CMIP: variants seen among roughly 807,000 people sequenced by gnomAD.
The protein encoded by CMIP is c-Maf inducing protein.
A neutral mutation model predicts 97.3 loss-of-function variants in CMIP; 13 were observed. That is an observed-to-expected ratio of 0.13 (90% CI 0.09 to 0.21). The LOEUF (loss-of-function observed/expected upper bound fraction) is 0.21. Ranked by LOEUF, CMIP falls within the 10% of genes least tolerant of loss-of-function variation. The pLI is 1.00. For synonymous variants in CMIP, 538 were observed against 436.3 expected (o/e 1.23, Z -2.91); for missense variants, 847 against 1,024.9 (o/e 0.83, Z 2.37).
chr16:81,471,030 GCATACACA>G (rs1325548473), intron 1 of CMIP, among the ~76,000 whole-genome samples: 2 of 151,920 alleles, frequency 1.3e-5, no homozygotes, highest in Admixed American at 6.5e-5. Context: ...ACAAACATGT[GCATACACA>G]CATGCACACA....
chr16:81,635,623 A>G (rs2092224108), intron 3 of CMIP, among the ~76,000 whole-genome samples: 1 of 152,252 alleles, frequency 6.6e-6, no homozygotes, highest in Non-Finnish European at 1.5e-5. Context: ...TTTGCCGTTG[A>G]AAGTCTGCTG....
chr16:81,671,279 G>C (rs2092681112), intron 8 of CMIP, among the ~76,000 whole-genome samples: 1 of 152,232 alleles, frequency 6.6e-6, no homozygotes, highest in Non-Finnish European at 1.5e-5. Flanking sequence ...ACACCACCCA[G>C]TTGTGGTTTG....
intron 15 of CMIP, among the ~76,000 whole-genome samples, chr16:81,701,408 G>A (rs1404263740): frequency 6.6e-6 from 1 of 152,206 alleles, no homozygotes; most frequent in Non-Finnish European, 1.5e-5. Context: ...ACACCGCACG[G>A]TAAGCAGATG....
chr16:81,548,273 A>T (rs1467833131), intron 1 of CMIP, among the ~76,000 whole-genome samples: 1 of 151,862 alleles, frequency 6.6e-6, no homozygotes, highest in Non-Finnish European at 1.5e-5. Context: ...AGCTAGGACT[A>T]CAGGCACAGG....
At chr16:81,581,143 G>A (rs553373717) in intron 1 of CMIP, among the ~76,000 whole-genome samples, 10 of 152,290 alleles carry the variant, frequency 6.6e-5, no homozygotes, top group Admixed American at 2.0e-4. Context: ...TCCATTGTCT[G>A]TATGTATCAT....
chr16:81,654,199 A>C (rs2092459037), intron 4 of CMIP, among the ~76,000 whole-genome samples: 1 of 151,866 alleles, frequency 6.6e-6, no homozygotes, highest in African/African-American at 2.4e-5. Flanking sequence ...AGGTGACCGC[A>C]TGACTGTTGG....
At chr16:81,496,890 G>A (rs1397015774) in intron 1 of CMIP, among the ~76,000 whole-genome samples, 1 of 152,292 alleles carries the variant, frequency 6.6e-6, no homozygotes, top group African/African-American at 2.4e-5. Context: ...GTGCCGCTTG[G>A]CGGGCAGTGC....
chr16:81,520,608 A>G lies in CMIP; in HGVS notation c.300+75067A>G, dbSNP rs533406023. 2.7e-5 allele frequency: 3 copies of G among 109,480 alleles called. No homozygotes were observed. The East Asian group carries it at 9.0e-4, about 33-fold the overall frequency. 6.8% of individuals were successfully genotyped at this position (109,480 alleles called of 1,614,324 possible). The stretch of plus-strand genomic sequence containing the variant: ...AGAGAGAGAGAGAGAGAGAGAAGAT[A>G]GAAAGAAAGAAAAAGAAAGAAAATC... On this transcript the variant is annotated intron_variant, in intron 1 of 20. Transcript: ENST00000537098.
chr16:81,523,540 G>A (rs903128035), intron 1 of CMIP, among the ~76,000 whole-genome samples: 1 of 152,146 alleles, frequency 6.6e-6, no homozygotes, highest in Admixed American at 6.5e-5. Flanking sequence ...CCTGGGCCCC[G>A]GCCAAGCAAC....
At chr16:81,698,780 C>T (rs1042250014) in intron 14 of CMIP, among the ~76,000 whole-genome samples, 1 of 152,226 alleles carries the variant, frequency 6.6e-6, no homozygotes, top group African/African-American at 2.4e-5. Flanking sequence ...CTCCCGGCCT[C>T]AGTCCCTGGC....
At chr16:81,477,873 G>A (rs1220239978) in intron 1 of CMIP, among the ~76,000 whole-genome samples, 1 of 152,226 alleles carries the variant, frequency 6.6e-6, no homozygotes, top group East Asian at 1.9e-4. Flanking sequence ...TTGCATTCCA[G>A]TTAGCAGAAA....
At chr16:81,607,380 C>A (rs1300228602) in intron 1 of CMIP, among the ~76,000 whole-genome samples, 187 bp from the exon 2 acceptor site, 1 of 152,218 alleles carries the variant, frequency 6.6e-6, no homozygotes, top group Non-Finnish European at 1.5e-5. Context: ...AGTGAACCCC[C>A]TTGCAGCTGG....
chr16:81,668,381 C>T (rs1050423879), intron 7 of CMIP, among the ~76,000 whole-genome samples: 1 of 152,260 alleles, frequency 6.6e-6, no homozygotes, highest in Middle Eastern at 3.4e-3. Context: ...CTGTCCGGCC[C>T]GTGCCTCTCT....
intron 3 of CMIP, among the ~76,000 whole-genome samples, chr16:81,647,139 T>G (rs2092372605): frequency 1.3e-5 from 2 of 152,230 alleles, no homozygotes; most frequent in Admixed American, 1.3e-4. Context: ...CATTTTCTAT[T>G]ACAGCCATCC....
intron 1 of CMIP, among the ~76,000 whole-genome samples, chr16:81,569,126 T>G (rs908044354): frequency 6.6e-6 from 1 of 152,200 alleles, no homozygotes; most frequent in African/African-American, 2.4e-5. Flanking sequence ...GGGTGCATAA[T>G]CGCCCTCCTC....
chr16:81,673,173 G>A (rs1161477594), intron 9 of CMIP, among the ~76,000 whole-genome samples: 1 of 152,128 alleles, frequency 6.6e-6, no homozygotes, highest in Non-Finnish European at 1.5e-5. Flanking sequence ...GGTGGTCCCA[G>A]GAAACACTGG....
chr16:81,517,277 G>A (rs574498591), intron 1 of CMIP, among the ~76,000 whole-genome samples: 181 of 102,916 alleles, frequency 1.8e-3, no homozygotes, highest in African/African-American at 4.8e-3. Context: ...AAGGTCATCA[G>A]TGAAAAATCA....
At chr16:81,476,954 G>T (rs1440249763) in intron 1 of CMIP, among the ~76,000 whole-genome samples, 2 of 152,064 alleles carry the variant, frequency 1.3e-5, no homozygotes, top group Admixed American at 1.3e-4. Flanking sequence ...CCCCAGCGTG[G>T]AGGTCAGGGC....
chr16:81,452,471 G>A (rs1212445238), intron 1 of CMIP, among the ~76,000 whole-genome samples: 1 of 152,074 alleles, frequency 6.6e-6, no homozygotes, highest in East Asian at 1.9e-4. Context: ...TGGTGGGAGT[G>A]GACAAACAAC....
Sources: allele counts gnomAD v4.1 joint callset (sites outside exome capture counted in the v4.1 genomes callset), GRCh38; gene constraint gnomAD v4.1.1; transcripts MANE v1.5; gene names NCBI Gene and HGNC (gene_info 2026-07-23, HGNC 2026-07-21).